Variants in ATP6V0E1 observed in about 807,000 individuals in gnomAD.
The protein encoded by ATP6V0E1 is ATPase H+ transporting V0 subunit e1.
ATP6V0E1 carries 4 observed loss-of-function variants against 11.6 expected under a neutral mutation model. The ratio of observed to expected loss-of-function variants is 0.35; its 90% CI spans 0.17 to 0.79. ATP6V0E1 has a LOEUF of 0.79. Ranked by LOEUF, ATP6V0E1 falls within the 30% of genes least tolerant of loss-of-function variation. The pLI is 0.54. For synonymous variants in ATP6V0E1, 36 were observed against 34.8 expected (o/e 1.04, Z -0.13); for missense variants, 105 against 100.0 (o/e 1.05, Z -0.21).
At chr5:173,026,329 C>T (rs1236426658) in intron 3 of ATP6V0E1, among the ~76,000 whole-genome samples, 5 of 152,116 alleles carry the variant, frequency 3.3e-5, no homozygotes, top group African/African-American at 7.2e-5. Flanking sequence ...CTGGCAGTTT[C>T]GTCACCAGTT....
At chr5:173,000,920 C>T (rs902353451) in intron 2 of ATP6V0E1, among the ~76,000 whole-genome samples, 1 of 152,100 alleles carries the variant, frequency 6.6e-6, no homozygotes, top group South Asian at 2.1e-4. Flanking sequence ...AGGCTGGTCT[C>T]GAACTCCTGA....
At chr5:173,026,538 C>CACAT (rs1756560938) in intron 3 of ATP6V0E1, among the ~76,000 whole-genome samples, 2 of 152,196 alleles carry the variant, frequency 1.3e-5, no homozygotes, top group African/African-American at 4.8e-5. Context: ...TGTATATACA[C>CACAT]ACATACACAC....
intron 2 of ATP6V0E1, among the ~76,000 whole-genome samples, chr5:173,008,066 C>CGACCTCCGGCCTA (rs1756256158): frequency 6.6e-6 from 1 of 152,190 alleles, no homozygotes; most frequent in South Asian, 2.1e-4. Context: ...ACCCACTCCG[C>CGACCTCCGGCCTA]GACCTCCGGC....
chr5:172,994,870 G>A (rs368834743), intron 2 of ATP6V0E1, 48 bp downstream of exon 2: 38 of 1,430,998 alleles, frequency 2.7e-5, no homozygotes, highest in Non-Finnish European at 3.4e-5. Context: ...TGTAGTGTGT[G>A]CGATTTACAC....
intron 3 of ATP6V0E1, among the ~76,000 whole-genome samples, chr5:173,024,759 T>C (rs1445914796): frequency 6.6e-6 from 1 of 152,036 alleles, no homozygotes; most frequent in Non-Finnish European, 1.5e-5. Flanking sequence ...ATTTTTCAGA[T>C]GAAAAATAAT....
intron 2 of ATP6V0E1, among the ~76,000 whole-genome samples, chr5:173,013,510 G>A (rs879303303): frequency 2.0e-5 from 3 of 149,182 alleles, no homozygotes; most frequent in Non-Finnish European, 4.4e-5. Context: ...GGCAGGCGGA[G>A]CTTGCAGTGA....
chr5:172,992,102 G>C (rs1755992023), intron 1 of ATP6V0E1, among the ~76,000 whole-genome samples: 1 of 151,692 alleles, frequency 6.6e-6, no homozygotes. Context: ...CCAGGCTGGA[G>C]TGCAGTGGCG....
chr5:172,995,755 T>C (rs1756056151), intron 2 of ATP6V0E1, among the ~76,000 whole-genome samples: 1 of 152,116 alleles, frequency 6.6e-6, no homozygotes, highest in African/African-American at 2.4e-5. Context: ...GTTGGGACTA[T>C]AGTCATGCGC....
chr5:173,023,491 C>T (rs912148204), intron 3 of ATP6V0E1, among the ~76,000 whole-genome samples: 2 of 152,330 alleles, frequency 1.3e-5, no homozygotes, highest in African/African-American at 2.4e-5. Context: ...CCACCATTCC[C>T]GTCTGATTTT....
At chr5:172,987,226 A>G in intron 1 of ATP6V0E1, 1 of 172,618 alleles carries the variant, frequency 5.8e-6, no homozygotes, top group Non-Finnish European at 1.3e-5. Context: ...GCCTGAGGTG[A>G]TCGATGGTGA....
At chr5:172,988,757 C>T (rs766759387) in intron 1 of ATP6V0E1, among the ~76,000 whole-genome samples, 12 of 152,066 alleles carry the variant, frequency 7.9e-5, no homozygotes, top group Non-Finnish European at 1.0e-4. Context: ...GGCACAATCT[C>T]GGCTCACTGA....
chr5:172,999,658 T>C (rs1756122792), intron 2 of ATP6V0E1, among the ~76,000 whole-genome samples: 1 of 152,202 alleles, frequency 6.6e-6, no homozygotes, highest in Non-Finnish European at 1.5e-5. Context: ...AAATGAATAA[T>C]TGGATTTGAG....
At chr5:172,985,176 C>T (rs1349667534) in intron 1 of ATP6V0E1, among the ~76,000 whole-genome samples, 2 of 147,436 alleles carry the variant, frequency 1.4e-5, no homozygotes, top group East Asian at 4.0e-4. Flanking sequence ...ACCCAGGAGG[C>T]AGAGCTTGCA....
At chr5:173,030,601 C>T (rs982106172) in intron 3 of ATP6V0E1, among the ~76,000 whole-genome samples, 82 of 150,352 alleles carry the variant, frequency 5.5e-4, no homozygotes, top group Middle Eastern at 3.5e-3. Flanking sequence ...CCACCATACC[C>T]GGCTAATTTT....
At chr5:172,998,190 C>CTTTTTTT (rs999790390) in intron 2 of ATP6V0E1, among the ~76,000 whole-genome samples, 20 of 104,882 alleles carry the variant, frequency 1.9e-4, no homozygotes, top group Non-Finnish European at 2.3e-4. Context: ...AAAATTTAGT[C>CTTTTTTT]TTTTTTTTTT....
chr5:173,030,411 T>G (rs1445636082), intron 3 of ATP6V0E1, among the ~76,000 whole-genome samples: 1 of 151,952 alleles, frequency 6.6e-6, no homozygotes, highest in Non-Finnish European at 1.5e-5. Context: ...AGACTTAATA[T>G]TTTTATGTTA....
intron 3 of ATP6V0E1, chr5:173,020,752 C>G (rs1367106826): frequency 1.9e-6 from 1 of 519,322 alleles, no homozygotes; most frequent in Non-Finnish European, 3.8e-6. Flanking sequence ...GCCATCCGGA[C>G]AGAACCGTTC....
rs1377277505 is a variant in ATP6V0E1, at chr5:173,008,680, T to C, written c.153-11558T>C. The stretch of plus-strand genomic sequence containing the variant: ...ATCCCAGCACTTTGGGAGGCCAAGG[T>C]GGGCGGATCACGAGGTCAGGAGATC... On this transcript the variant is annotated intron_variant, in intron 2 of 3. Coordinates refer to ENST00000519374, the MANE Select transcript of ATP6V0E1 (RefSeq NM_003945.4). Among the ~76,000 whole-genome samples the C allele has an allele frequency of 2.9e-4, 42 of 143,994 alleles. 1 individual carries two copies. Among genetic ancestry groups the C allele is most frequent in the Admixed American group, 2.1e-3 (31 of 14,710 alleles). 94.5% of individuals were successfully genotyped at this position (143,994 alleles called of 152,430 possible).
At chr5:173,017,827 C>T (rs577253483) in intron 2 of ATP6V0E1, among the ~76,000 whole-genome samples, 53 of 132,484 alleles carry the variant, frequency 4.0e-4, no homozygotes, top group East Asian at 2.9e-3. Context: ...GACAACAGAA[C>T]GAGACTCCTT....
Sources: allele counts gnomAD v4.1 joint callset (sites outside exome capture counted in the v4.1 genomes callset), GRCh38; gene constraint gnomAD v4.1.1; transcripts MANE v1.5; gene names NCBI Gene and HGNC (gene_info 2026-07-23, HGNC 2026-07-21).